LTBP1: variants seen among roughly 807,000 people sequenced by gnomAD.
LTBP1 encodes the protein latent transforming growth factor beta binding protein 1, also known as latent-transforming growth factor beta-binding protein 1.
In LTBP1, 129 loss-of-function variants were observed where a neutral mutation model predicts 207.6. The ratio of observed to expected loss-of-function variants is 0.62; its 90% CI spans 0.54 to 0.72. The LOEUF (loss-of-function observed/expected upper bound fraction) is 0.72. Ranked by LOEUF, LTBP1 falls within the 30% of genes least tolerant of loss-of-function variation. The pLI, the probability that LTBP1 is intolerant of heterozygous loss-of-function variation, is 0.00. For synonymous variants in LTBP1, 963 were observed against 833.7 expected (o/e 1.16, Z -2.67); for missense variants, 2,281 against 2,217.2 (o/e 1.03, Z -0.58).
At chr2:33,103,681 T>C (rs1454227781) in intron 3 of LTBP1, among the ~76,000 whole-genome samples, 1 of 151,322 alleles carries the variant, frequency 6.6e-6, no homozygotes, top group Non-Finnish European at 1.5e-5. Flanking sequence ...TCTTTGCCAT[T>C]CCCTATGTGC....
At chr2:32,983,033 C>T (rs1449014848) in intron 2 of LTBP1, among the ~76,000 whole-genome samples, 1 of 152,182 alleles carries the variant, frequency 6.6e-6, no homozygotes, top group Non-Finnish European at 1.5e-5. Flanking sequence ...CAGCTTGCAC[C>T]ATGTGCCTGG....
intron 13 of LTBP1, 52 bp downstream of exon 13, chr2:33,259,662 T>C: frequency 6.5e-7 from 1 of 1,544,814 alleles, no homozygotes; most frequent in Non-Finnish European, 8.8e-7. Flanking sequence ...CAAAGTGATT[T>C]TCTATTAGAA....
At chr2:33,020,450 GGCAGA>G (rs1417313051) in intron 2 of LTBP1, among the ~76,000 whole-genome samples, 2 of 152,118 alleles carry the variant, frequency 1.3e-5, no homozygotes, top group Admixed American at 6.5e-5. Context: ...TTAAAATAAT[GGCAGA>G]GCATTTTCTT....
At chr2:33,389,140 G>A (rs549636839) in intron 31 of LTBP1, 44 bp from the exon 32 acceptor site, 49 of 1,612,594 alleles carry the variant, frequency 3.0e-5, no homozygotes, top group South Asian at 9.9e-5. Context: ...GGGCAGGTGC[G>A]AGCTAACAGT....
At position 33,342,954 on chromosome 2, in the gene LTBP1, G is replaced by A. The variant is rs778347341; in HGVS notation, c.3847G>A (p.Gly1283Arg). 1.2e-6 allele frequency: 2 copies of A among 1,610,326 alleles called. No homozygotes were observed. The highest frequency in any genetic ancestry group is 1.1e-5 in the South Asian group (1 of 90,604). ...QGFQAPQDGQ[G>R]CVDVNECELL... Reference sequence around the variant, plus strand: ...CTTTCAAGCCCCACAGGATGGGCAAGGGTGTGTGGGTGAGTTTTTAGATTT... The same window carrying A: ...CTTTCAAGCCCCACAGGATGGGCAAAGGTGTGTGGGTGAGTTTTTAGATTT... Residue 1283 changes from glycine to arginine, a missense_variant, in exon 25 of 34, where the codon GGG becomes AGG. Around this residue, in one of 3 missense-constraint regions of LTBP1, gnomAD observed 1,671 missense variants for 1,634.8 expected, o/e 1.02. Transcript: ENST00000404816.
chr2:33,076,457 G>C (rs536893875), intron 3 of LTBP1, among the ~76,000 whole-genome samples: 54 of 152,152 alleles, frequency 3.5e-4, no homozygotes, highest in African/African-American at 1.3e-3. Flanking sequence ...GGAAATGCTG[G>C]TTTCTGTTTA....
intron 7 of LTBP1, among the ~76,000 whole-genome samples, chr2:33,212,431 G>C (rs917114690): frequency 6.6e-6 from 1 of 152,192 alleles, no homozygotes. Context: ...TTATAGATGT[G>C]AGAGCAGCAG....
chr2:33,248,411 C>G (rs1228865003), intron 10 of LTBP1, among the ~76,000 whole-genome samples: 1 of 152,166 alleles, frequency 6.6e-6, no homozygotes, highest in East Asian at 1.9e-4. Flanking sequence ...CTGGATCTGT[C>G]TCACTCCACA....
chr2:33,018,155 T>TC (rs1326526993), intron 2 of LTBP1, among the ~76,000 whole-genome samples: 1 of 152,026 alleles, frequency 6.6e-6, no homozygotes, highest in Non-Finnish European at 1.5e-5. Flanking sequence ...GTTCAAAGTT[T>TC]TTTTTTTTTA....
At chr2:33,254,044 C>T (rs1190198574) in intron 11 of LTBP1, among the ~76,000 whole-genome samples, 3 of 151,872 alleles carry the variant, frequency 2.0e-5, no homozygotes, top group African/African-American at 7.3e-5. Context: ...CACCCACCAC[C>T]ACGCCTGGCT....
intron 13 of LTBP1, among the ~76,000 whole-genome samples, chr2:33,262,256 A>G (rs1442563685): frequency 6.6e-6 from 1 of 152,196 alleles, no homozygotes; most frequent in Admixed American, 6.5e-5. Context: ...AAAATATTTT[A>G]ACTTACCATG....
intron 2 of LTBP1, among the ~76,000 whole-genome samples, chr2:33,003,374 G>T (rs895794114): frequency 5.3e-5 from 8 of 152,200 alleles, no homozygotes; most frequent in Non-Finnish European, 1.0e-4. Context: ...CCAATTTATA[G>T]ATGTTGCAGT....
intron 2 of LTBP1, among the ~76,000 whole-genome samples, chr2:32,961,941 G>A (rs1283499280): frequency 1.0e-4 from 13 of 127,934 alleles, no homozygotes; most frequent in Admixed American, 3.5e-4. Flanking sequence ...GTGAAACTCC[G>A]TCTCAAAAAA....
At chr2:33,135,431 C>A (rs1029616163) in intron 5 of LTBP1, among the ~76,000 whole-genome samples, 6 of 152,146 alleles carry the variant, frequency 3.9e-5, no homozygotes, top group African/African-American at 1.4e-4. Context: ...TTGTCAAAAA[C>A]CTGTACTTGG....
At chr2:33,011,211 C>T (rs1430702275) in intron 2 of LTBP1, among the ~76,000 whole-genome samples, 2 of 152,078 alleles carry the variant, frequency 1.3e-5, no homozygotes, top group Non-Finnish European at 2.9e-5. Flanking sequence ...TACCAGTGTA[C>T]ACTCCTCTTG....
chr2:33,263,334 A>G lies in LTBP1; in HGVS notation c.2559A>G (p.Val853=). The change falls in exon 15 of 34, where the codon GTA becomes GTG. Residue 853 remains valine, a synonymous_variant. Coordinates refer to ENST00000404816, the MANE Select transcript of LTBP1 (RefSeq NM_206943.4). ...CATCACCTCCTGTGCCTGTTGAAGT[A>G]GCTCCTGAAGCTTCTACGTCTAGTG... The part of the protein sequence containing the change: ...EKTSPPVPVE[V]APEASTSSAS... 2 of 1,614,012 alleles carry G rather than the reference A, an allele frequency of 1.2e-6. No individual in the cohort carries two copies. The highest frequency in any genetic ancestry group is 8.5e-7 in the Non-Finnish European group (1 of 1,179,928).
chr2:33,021,150 G>T lies in LTBP1; in HGVS notation c.807G>T (p.Met269Ile). 6.2e-7 allele frequency: 1 copy of T among 1,613,438 alleles called. No homozygotes were observed. ...TLPRVSPVAQ[M>I]TLTLKPKPSV... is the part of the protein sequence containing the mutation. ...CAAGAGTCAGCCCTGTGGCCCAGAT[G>T]ACCTTAACCCTCAAGCCGAAGCCTT... The change falls in exon 3 of 34, where the codon ATG (methionine) becomes ATT (isoleucine). Residue 269 changes from methionine (M) to isoleucine (I), a missense_variant. Physicochemically the swap from Met to Ile is conservative, Grantham distance 10 (BLOSUM62 1). Transcript: ENST00000404816.
At position 33,360,637 on chromosome 2, in the gene LTBP1, A is replaced by G. The variant is rs756804324; in HGVS notation, c.4041A>G (p.Lys1347=). The G allele has an allele frequency of 5.0e-6, 8 of 1,613,910 alleles. No homozygotes were observed. Among genetic ancestry groups the G allele is most frequent in the Non-Finnish European group, 6.8e-6 (8 of 1,179,790 alleles). ...TAGATCAACCCAAAGAAGAAAAGAA[A>G]GAATGCTACTATAATCTCAATGACG... ...VDVDQPKEEK[K]ECYYNLNDAS... The change falls in exon 27 of 34, where the codon AAA becomes AAG. Residue 1347 remains lysine (K), a synonymous_variant. Coordinates refer to ENST00000404816, the MANE Select transcript of LTBP1 (RefSeq NM_206943.4).
At chr2:33,185,802 G>T (rs987246941) in intron 5 of LTBP1, among the ~76,000 whole-genome samples, 2 of 152,162 alleles carry the variant, frequency 1.3e-5, no homozygotes, top group East Asian at 1.9e-4. Context: ...AGATTGTAGC[G>T]CATTGAGAAG....
Sources: gnomAD v4.1 joint callset for allele counts (sites outside exome capture counted in the v4.1 genomes callset) on GRCh38, gnomAD v4.1.1 for gene constraint, gnomAD v4.1.1 regional missense constraint, MANE v1.5 for transcripts, NCBI Gene and HGNC (gene_info 2026-07-23, HGNC 2026-07-21) for gene names.